NCOA1: variants seen among roughly 807,000 people sequenced by gnomAD.
NCOA1 encodes the protein Hin-2 protein.
Under a neutral mutation model 150.9 loss-of-function variants are expected in NCOA1, and 35 were observed. That is an observed-to-expected ratio of 0.23 (90% CI 0.18 to 0.31). NCOA1 has a LOEUF of 0.31. Among genes scored for constraint, NCOA1 ranks in the 10% least tolerant of loss-of-function variants. The pLI is 1.00. For missense variants in NCOA1, 1,491 were observed against 1,749.3 expected, an observed-to-expected ratio of 0.85 and a Z score of 2.63; for synonymous variants, 590 against 630.0, an observed-to-expected ratio of 0.94 and a Z score of 0.95.
At chr2:24,682,533 C>T (rs1672222814) in intron 7 of NCOA1, among the ~76,000 whole-genome samples, 1 of 152,178 alleles carries the variant, frequency 6.6e-6, no homozygotes, top group African/African-American at 2.4e-5. Context: ...CTCCTGTCCA[C>T]GTCTGCTGAC....
At chr2:24,586,313 C>T (rs770227911) in intron 3 of NCOA1, among the ~76,000 whole-genome samples, 3 of 149,726 alleles carry the variant, frequency 2.0e-5, no homozygotes, top group Non-Finnish European at 3.0e-5. Flanking sequence ...TTAGCTGGGC[C>T]GGTGATGTGC....
intron 20 of NCOA1, 143 bp downstream of exon 20, chr2:24,752,299 T>C (rs1310994105): frequency 4.2e-6 from 4 of 946,638 alleles, no homozygotes; most frequent in East Asian, 2.8e-5. Flanking sequence ...TGGCTACATT[T>C]ATATGACGTT....
At chr2:24,511,636 A>G (rs761252320) in intron 1 of NCOA1, among the ~76,000 whole-genome samples, 1 of 150,974 alleles carries the variant, frequency 6.6e-6, no homozygotes, top group African/African-American at 2.4e-5. Flanking sequence ...TTTATCAGAT[A>G]TATGATTTGC....
At chr2:24,719,653 A>G (rs1183159687) in intron 14 of NCOA1, among the ~76,000 whole-genome samples, 1 of 152,190 alleles carries the variant, frequency 6.6e-6, no homozygotes, top group Admixed American at 6.5e-5. Context: ...CAAAAGAGAC[A>G]AAACCAAAAG....
intron 1 of NCOA1, among the ~76,000 whole-genome samples, chr2:24,514,251 A>G (rs1572368446): frequency 7.2e-6 from 1 of 139,262 alleles, no homozygotes; most frequent in Admixed American, 7.8e-5. Context: ...ACGCCACTGC[A>G]CTCCAGCCTG....
intron 1 of NCOA1, among the ~76,000 whole-genome samples, chr2:24,557,488 TC>T (rs1666118507): frequency 6.7e-6 from 1 of 150,248 alleles, no homozygotes; most frequent in South Asian, 2.1e-4. Context: ...TGCTACCCCC[TC>T]CCCCTCCTCC....
intron 21 of NCOA1, among the ~76,000 whole-genome samples, chr2:24,760,306 A>ATTTTTTTTTTTT (rs70947842): frequency 1.7e-4 from 17 of 99,732 alleles, no homozygotes; most frequent in African/African-American, 2.7e-4. Flanking sequence ...TGCCCGGCTA[A>ATTTTTTTTTTTT]TTTTTTTTTT....
At chr2:24,601,854 G>A (rs1199446065) in intron 3 of NCOA1, among the ~76,000 whole-genome samples, 1 of 149,980 alleles carries the variant, frequency 6.7e-6, no homozygotes, top group Non-Finnish European at 1.5e-5. Context: ...CAGGCTGGTC[G>A]TAAACTCCTG....
intron 1 of NCOA1, among the ~76,000 whole-genome samples, chr2:24,502,034 T>G (rs769867554): frequency 1.3e-5 from 2 of 152,180 alleles, no homozygotes; most frequent in Non-Finnish European, 1.5e-5. Context: ...GGTGTTTGAG[T>G]TCTGTCTGTT....
chr2:24,654,979 A>G (rs1187425534), intron 4 of NCOA1, among the ~76,000 whole-genome samples: 1 of 152,030 alleles, frequency 6.6e-6, no homozygotes, highest in Non-Finnish European at 1.5e-5. Context: ...CCACTTCCAC[A>G]TACCTAAGCC....
At chr2:24,720,068 T>C (rs1399841984) in intron 14 of NCOA1, among the ~76,000 whole-genome samples, 1 of 152,146 alleles carries the variant, frequency 6.6e-6, no homozygotes, top group East Asian at 1.9e-4. Context: ...ACCAGGATGG[T>C]AGTAAGAGAG....
chr2:24,691,650 G>C lies in NCOA1; in HGVS notation c.702G>C (p.Glu234Asp), dbSNP rs760564204. The change falls in exon 9 of 23, where the codon GAG becomes GAC. Residue 234 changes from glutamate (E) to aspartate (D), a missense_variant. Glu to Asp is a conservative substitution (Grantham distance 45). Around this residue, in one of 8 missense-constraint regions of NCOA1, gnomAD observed 99 missense variants for 122.8 expected, o/e 0.81. Transcript: ENST00000348332. ...FTVSQPKSIQ[E>D]DGEDFQSCLI... ...TGTCACAGCCAAAATCAATTCAAGA[G>C]GATGGAGAAGGTAAAGCCAAACGGT... 1.2e-6 allele frequency: 2 copies of C among 1,613,326 alleles called. No individual in the cohort carries two copies. The highest frequency in any genetic ancestry group is 2.7e-5 in the African/African-American group (2 of 74,880).
chr2:24,636,985 T>C (rs546755204), intron 3 of NCOA1, among the ~76,000 whole-genome samples: 1 of 152,084 alleles, frequency 6.6e-6, no homozygotes, highest in Non-Finnish European at 1.5e-5. Flanking sequence ...CTGATACATA[T>C]AATGTATGGT....
In NCOA1 at chr2:24,729,832, A is replaced by G. The variant is rs1406252675; in HGVS notation, c.3201+17A>G. On this transcript the variant is annotated intron_variant, in intron 17 of 22. Transcript: ENST00000348332. Reference sequence around the variant, plus strand: ...CAACAGCAGGTAAGTGCTCTTGTTTAGCAGTTGATACTTTTTTTTTTTTTG... The same window carrying G: ...CAACAGCAGGTAAGTGCTCTTGTTTGGCAGTTGATACTTTTTTTTTTTTTG... 5.0e-6 allele frequency: 8 copies of G among 1,593,656 alleles called. No individual in the cohort carries two copies. The East Asian group carries it at 1.8e-4, about 36-fold the overall frequency.
chr2:24,550,594 C>T (rs1665784910), intron 1 of NCOA1, among the ~76,000 whole-genome samples: 1 of 152,214 alleles, frequency 6.6e-6, no homozygotes, highest in Non-Finnish European at 1.5e-5. Flanking sequence ...GTCCTTTTAA[C>T]AGCACATGGG....
At chr2:24,622,018 G>C (rs1669189682) in intron 3 of NCOA1, among the ~76,000 whole-genome samples, 1 of 152,158 alleles carries the variant, frequency 6.6e-6, no homozygotes, top group African/African-American at 2.4e-5. Flanking sequence ...AGAGGAAAAT[G>C]CTCAGACACT....
Position 24,739,445 on chromosome 2 carries a change from A to G in NCOA1, c.3215A>G (p.Asn1072Ser). 3 of 1,613,682 alleles carry G rather than the reference A, an allele frequency of 1.9e-6. No homozygotes were observed. The highest frequency in any genetic ancestry group is 2.5e-6 in the Non-Finnish European group (3 of 1,179,642). Residue 1072 changes from asparagine to serine, a missense_variant, in exon 18 of 23, where the codon AAT becomes AGT. Physicochemically the swap from Asn to Ser is conservative, Grantham distance 46. This residue lies in a region of NCOA1 where 485 missense variants were observed against 522.8 expected (regional missense o/e 0.93). Coordinates refer to ENST00000348332, the MANE Select transcript of NCOA1 (RefSeq NM_003743.5). ...ATTTTTCTCTAGTTGATACACCAAA[A>G]TCGGCAAGCTATCTTAAACCAGTTT... ...LQGQQQLIHQ[N>S]RQAILNQFAA...
intron 1 of NCOA1, among the ~76,000 whole-genome samples, chr2:24,492,625 C>A (rs182793909): frequency 2.0e-5 from 3 of 152,104 alleles, no homozygotes; most frequent in Admixed American, 6.6e-5. Flanking sequence ...TGGCCCTCCT[C>A]GTTTCTTGTA....
At chr2:24,686,253 TCAG>T (rs1672399255) in intron 8 of NCOA1, among the ~76,000 whole-genome samples, 1 of 152,086 alleles carries the variant, frequency 6.6e-6, no homozygotes, top group Non-Finnish European at 1.5e-5. Context: ...TCTGCCTGCC[TCAG>T]CCTCTCAAAG....
Sources: gnomAD v4.1 joint callset for allele counts (sites outside exome capture counted in the v4.1 genomes callset) on GRCh38, gnomAD v4.1.1 for gene constraint, gnomAD v4.1.1 regional missense constraint, MANE v1.5 for transcripts, NCBI Gene and HGNC (gene_info 2026-07-23, HGNC 2026-07-21) for gene names.